The following ROCK1 variants were observed in gnomAD, a reference collection of about 807,000 sequenced individuals.
ROCK1 encodes Rho associated coiled-coil containing protein kinase 1, also known as rho-associated protein kinase 1.
In ROCK1, 36 loss-of-function variants were observed where a neutral mutation model predicts 196.8. The ratio of observed to expected loss-of-function variants is 0.18; its 90% CI spans 0.14 to 0.24. The LOEUF (loss-of-function observed/expected upper bound fraction) is 0.24. ROCK1 is among the 10% of genes least tolerant of loss of function. ROCK1 has a pLI of 1.00. For missense variants in ROCK1, 920 were observed against 1,562.0 expected (o/e 0.59, Z 6.93); for synonymous variants, 443 against 515.9 (o/e 0.86, Z 1.91).
intron 1 of ROCK1, among the ~76,000 whole-genome samples, chr18:21,072,275 T>C (rs1469916191): frequency 6.6e-6 from 1 of 152,194 alleles, no homozygotes. Context: ...AATTCTACAA[T>C]ACCATGGGAT....
At chr18:20,996,355 T>C (rs2035670363) in intron 16 of ROCK1, among the ~76,000 whole-genome samples, 1 of 152,064 alleles carries the variant, frequency 6.6e-6, no homozygotes, top group African/African-American at 2.4e-5. Context: ...AGACAGACTA[T>C]TTGAAAATAC....
chr18:21,065,772 T>TA (rs1251973229), intron 2 of ROCK1, among the ~76,000 whole-genome samples: 2 of 152,186 alleles, frequency 1.3e-5, no homozygotes, highest in Non-Finnish European at 2.9e-5. Flanking sequence ...TGCAGCCTTA[T>TA]TATTTAGGTA....
intron 1 of ROCK1, among the ~76,000 whole-genome samples, chr18:21,080,034 A>T (rs2036469887): frequency 6.6e-6 from 1 of 152,164 alleles, no homozygotes; most frequent in African/African-American, 2.4e-5. Context: ...AAGAGAAGTG[A>T]GAACAAAAGC....
At chr18:20,995,410 C>T (rs2035662200) in intron 16 of ROCK1, among the ~76,000 whole-genome samples, 1 of 152,188 alleles carries the variant, frequency 6.6e-6, no homozygotes, top group Admixed American at 6.5e-5. Flanking sequence ...AGAAAAGCAC[C>T]TTCATAAGAA....
chr18:20,998,935 A>G (rs1168468719), intron 16 of ROCK1, among the ~76,000 whole-genome samples: 4 of 152,178 alleles, frequency 2.6e-5, no homozygotes, highest in Non-Finnish European at 4.4e-5. Flanking sequence ...AGATGAACAA[A>G]TAACAATCCT....
Position 21,049,371 on chromosome 18 carries a change from T to C in ROCK1, c.277-142A>G, listed in dbSNP as rs1598543610. ...TCAGTTATTTTTATTTCTTCTCTTC[T>C]GCCAAATTATTCCAAGTAGCTAATG... On this transcript the variant is annotated intron_variant, in intron 3 of 32. Transcript: ENST00000399799. 6.0e-6 allele frequency: 4 copies of C among 661,520 alleles called. No homozygotes were observed. The East Asian group carries it at 1.2e-4, about 19-fold the overall frequency. 41.0% of individuals were successfully genotyped at this position (661,520 alleles called of 1,614,324 possible).
At chr18:20,958,964 A>G (rs1240356246) in intron 29 of ROCK1, among the ~76,000 whole-genome samples, 1 of 91,258 alleles carries the variant, frequency 1.1e-5, no homozygotes, top group Non-Finnish European at 2.0e-5. Context: ...ATTTTATATA[A>G]TATATATAAT....
chr18:21,101,432 A>G (rs1453413798), intron 1 of ROCK1, among the ~76,000 whole-genome samples: 2 of 152,192 alleles, frequency 1.3e-5, no homozygotes, highest in Non-Finnish European at 2.9e-5. Context: ...AGAAAATACA[A>G]TCTATTGAGT....
In ROCK1 at chr18:21,062,751, A is replaced by G. The variant is rs571578280; in HGVS notation, c.175+7781T>C. On this transcript the variant is annotated intron_variant, in intron 2 of 32. Transcript: ENST00000399799. Reference sequence around the variant, plus strand: ...TTAACATCACCAGTGATGTGCCTAGATTTATGATGGAGTTATGTTCCAATG... The same window carrying G: ...TTAACATCACCAGTGATGTGCCTAGGTTTATGATGGAGTTATGTTCCAATG... 1.8e-4 allele frequency among the ~76,000 whole-genome samples: 28 copies of G among 152,266 alleles called. No homozygotes were observed. In the South Asian group the frequency reaches 5.6e-3, roughly 30 times the overall value.
In ROCK1 at chr18:20,951,167, A is replaced by G; in HGVS notation, c.*217T>C. The G allele has an allele frequency of 7.2e-6, 3 of 414,200 alleles. No individual in the cohort carries two copies. Among genetic ancestry groups the G allele is most frequent in the Non-Finnish European group, 1.3e-5 (3 of 225,584 alleles). 25.7% of individuals were successfully genotyped at this position (414,200 alleles called of 1,614,324 possible). On this transcript the variant is annotated 3_prime_UTR_variant, in exon 33 of 33. Transcript: ENST00000399799. ...GCTTTCCCCCAACTGTACTTGCATTACATAGTAATAATTAATCTAATCTAC... is the reference window on the plus strand; with the variant it reads ...GCTTTCCCCCAACTGTACTTGCATTGCATAGTAATAATTAATCTAATCTAC...
intron 1 of ROCK1, among the ~76,000 whole-genome samples, chr18:21,105,263 C>A (rs532716867): frequency 5.7e-4 from 86 of 152,158 alleles, no homozygotes; most frequent in African/African-American, 2.0e-3. Context: ...CAAGTTTAGG[C>A]CCTATACAAA....
chr18:21,065,025 CA>C (rs2036322074), intron 2 of ROCK1, among the ~76,000 whole-genome samples: 2 of 152,162 alleles, frequency 1.3e-5, no homozygotes, highest in African/African-American at 2.4e-5. Flanking sequence ...AGGCAGAGGC[CA>C]GGGGTGCTGC....
chr18:20,951,951 T>C (rs1246559187), intron 32 of ROCK1, among the ~76,000 whole-genome samples: 3 of 148,904 alleles, frequency 2.0e-5, no homozygotes, highest in Non-Finnish European at 1.5e-5. Flanking sequence ...TTGGACAACA[T>C]AGGCTTTAGA....
intron 22 of ROCK1, among the ~76,000 whole-genome samples, chr18:20,977,125 C>CT (rs1302610103): frequency 6.6e-6 from 1 of 152,154 alleles, no homozygotes; most frequent in Non-Finnish European, 1.5e-5. Flanking sequence ...ATTCTCCACT[C>CT]CTTAGAGTGA....
chr18:21,008,623 C>T (rs1213667931), intron 13 of ROCK1, among the ~76,000 whole-genome samples: 1 of 152,198 alleles, frequency 6.6e-6, no homozygotes, highest in Admixed American at 6.5e-5. Context: ...TGAGTTACCA[C>T]TATCAGTAAA....
rs201504822 is a variant in ROCK1 at position 21,033,016 on chromosome 18, AG to A, written c.1052-4082del. ...TGAAACCAGTCTGGGCAACATAGCAAGACCCCAGCTCTACAGAAAATTAAAA... is the reference window on the plus strand; with the variant it reads ...TGAAACCAGTCTGGGCAACATAGCAAACCCCAGCTCTACAGAAAATTAAAA... On this transcript the variant is annotated intron_variant, in intron 9 of 32. Transcript: ENST00000399799. Among the ~76,000 whole-genome samples the A allele has an allele frequency of 7.3e-3, 1,114 of 152,220 alleles. 15 individuals are homozygous for A. Among genetic ancestry groups the A allele is most frequent in the African/African-American group, 0.025 (1,046 of 41,538 alleles).
chr18:21,101,062 C>T (rs2036655451), intron 1 of ROCK1, among the ~76,000 whole-genome samples: 1 of 152,128 alleles, frequency 6.6e-6, no homozygotes, highest in Admixed American at 6.5e-5. Flanking sequence ...AAATACCTTG[C>T]TATAACAAGT....
At chr18:21,049,754 T>C in intron 3 of ROCK1, 26 bp downstream of exon 3, 1 of 1,283,126 alleles carries the variant, frequency 7.8e-7, no homozygotes, top group Non-Finnish European at 1.1e-6. Context: ...ATAAAGTCCT[T>C]TTGTATTCTC....
chr18:21,005,870 C>T (rs749631640), intron 16 of ROCK1, among the ~76,000 whole-genome samples: 2 of 151,992 alleles, frequency 1.3e-5, no homozygotes, highest in South Asian at 2.1e-4. Flanking sequence ...GAGCAAGTTC[C>T]TATCTCAAAA....
Sources: allele counts gnomAD v4.1 joint callset (sites outside exome capture counted in the v4.1 genomes callset), GRCh38; gene constraint gnomAD v4.1.1; transcripts MANE v1.5; gene names NCBI Gene and HGNC (gene_info 2026-07-23, HGNC 2026-07-21).